Variants in NEDD4 observed in about 807,000 individuals in gnomAD.
The protein encoded by NEDD4 is E3 ubiquitin-protein ligase NEDD4.
NEDD4 carries 99 observed loss-of-function variants against 144.9 expected under a neutral mutation model. That is an observed-to-expected ratio of 0.68 (90% CI 0.58 to 0.81). The LOEUF (loss-of-function observed/expected upper bound fraction) is 0.81. Ranked by LOEUF, NEDD4 falls within the 30% of genes least tolerant of loss-of-function variation. NEDD4 has a pLI of 0.00. For missense variants in NEDD4, 985 were observed against 1,065.9 expected (o/e 0.92, Z 1.06); for synonymous variants, 318 against 350.6 (o/e 0.91, Z 1.04).
chr15:55,933,982 C>G (rs994957059), intron 4 of NEDD4, among the ~76,000 whole-genome samples: 3 of 152,102 alleles, frequency 2.0e-5, no homozygotes, highest in Non-Finnish European at 4.4e-5. Flanking sequence ...GGTGAAACCT[C>G]GTCTCTACTA....
chr15:55,887,964 A>C (rs147271127), intron 5 of NEDD4, among the ~76,000 whole-genome samples: 3,461 of 152,298 alleles, frequency 0.023, 50 homozygotes, highest in Non-Finnish European at 0.035. Context: ...ACTACAAAAA[A>C]TGGTATCGAA....
At chr15:55,922,937 AC>A (rs755108294) in intron 5 of NEDD4, among the ~76,000 whole-genome samples, 9 of 152,228 alleles carry the variant, frequency 5.9e-5, no homozygotes, top group Non-Finnish European at 1.0e-4. Flanking sequence ...CAAAACACAC[AC>A]AAAAACTCCA....
chr15:55,854,969 G>A (rs1244250161), intron 12 of NEDD4, among the ~76,000 whole-genome samples: 1 of 152,158 alleles, frequency 6.6e-6, no homozygotes, highest in East Asian at 1.9e-4. Context: ...CGTGCAGAGG[G>A]AAAAACACCA....
chr15:55,849,804 T>C (rs2033905902), intron 14 of NEDD4, among the ~76,000 whole-genome samples: 1 of 151,122 alleles, frequency 6.6e-6, no homozygotes, highest in Non-Finnish European at 1.5e-5. Flanking sequence ...TTTTTTTTTT[T>C]TTTTTTGAGA....
Position 55,851,929 on chromosome 15 carries a change from T to C in NEDD4, c.1146+495A>G, listed in dbSNP as rs76867626. Among the ~76,000 whole-genome samples, 345 of 152,320 alleles carry C rather than the reference T, an allele frequency of 2.3e-3. 7 individuals carry two copies. The highest frequency in any genetic ancestry group is 0.015 in the East Asian group (80 of 5,186). ...TGTACTTGTTTTATATAATAACAAGTGGTAATTCGTGTATATTAGAGATTC... is the reference window on the plus strand; with the variant it reads ...TGTACTTGTTTTATATAATAACAAGCGGTAATTCGTGTATATTAGAGATTC... On this transcript the variant is annotated intron_variant, in intron 13 of 28. Transcript: ENST00000435532.
At chr15:55,874,855 T>C (rs1423591243) in intron 5 of NEDD4, among the ~76,000 whole-genome samples, 1 of 152,032 alleles carries the variant, frequency 6.6e-6, no homozygotes, top group Non-Finnish European at 1.5e-5. Context: ...ATGCCTGTAA[T>C]CCCAGCTACT....
intron 5 of NEDD4, among the ~76,000 whole-genome samples, chr15:55,881,637 A>G (rs1218331673): frequency 1.3e-5 from 2 of 152,228 alleles, no homozygotes; most frequent in African/African-American, 4.8e-5. Context: ...AGATTAAAAA[A>G]AACAAAAACA....
chr15:55,934,982 C>T (rs2036858291), intron 4 of NEDD4, among the ~76,000 whole-genome samples: 1 of 146,478 alleles, frequency 6.8e-6, no homozygotes, highest in South Asian at 2.2e-4. Context: ...GATTCTCCTG[C>T]CTCAGCCTCC....
At chr15:55,851,385 A>G (rs2142008677) in intron 13 of NEDD4, among the ~76,000 whole-genome samples, 2 of 150,330 alleles carry the variant, frequency 1.3e-5, no homozygotes, top group South Asian at 4.2e-4. Flanking sequence ...TTTTTTTTTT[A>G]TCAAGCAGCA....
At chr15:55,838,456 A>G in intron 22 of NEDD4, 53 bp downstream of exon 22, 2 of 1,250,400 alleles carry the variant, frequency 1.6e-6, no homozygotes, top group Admixed American at 1.7e-5. Context: ...ATTAACATCT[A>G]AACATTTGTC....
intron 12 of NEDD4, among the ~76,000 whole-genome samples, chr15:55,854,383 A>G (rs1269040983): frequency 6.6e-6 from 1 of 152,164 alleles, no homozygotes. Context: ...GCCCAGTTCT[A>G]CAAGTGTCCA....
At chr15:55,904,508 G>A (rs2036022808) in intron 5 of NEDD4, among the ~76,000 whole-genome samples, 1 of 151,986 alleles carries the variant, frequency 6.6e-6, no homozygotes, top group South Asian at 2.1e-4. Context: ...TTACCATGCT[G>A]GCCAAGCCTG....
intron 11 of NEDD4, among the ~76,000 whole-genome samples, 153 bp from the exon 12 acceptor site, chr15:55,856,349 G>A (rs2034194970): frequency 1.3e-5 from 2 of 152,198 alleles, no homozygotes; most frequent in African/African-American, 2.4e-5. Flanking sequence ...TCATGTGGTC[G>A]CTCTCAGCCC....
intron 5 of NEDD4, among the ~76,000 whole-genome samples, chr15:55,875,787 T>C (rs949700859): frequency 6.6e-6 from 1 of 152,050 alleles, no homozygotes; most frequent in East Asian, 1.9e-4. Context: ...TTTCAAGCAG[T>C]CTGACGTATG....
At chr15:55,844,798 C>T (rs892476428) in intron 18 of NEDD4, among the ~76,000 whole-genome samples, 1 of 144,536 alleles carries the variant, frequency 6.9e-6, no homozygotes, top group Non-Finnish European at 1.5e-5. Context: ...TTTCAAGCAC[C>T]GGTTTTCAAT....
chr15:55,903,712 C>G (rs1157703888), intron 5 of NEDD4, among the ~76,000 whole-genome samples: 3 of 151,350 alleles, frequency 2.0e-5, no homozygotes, highest in Non-Finnish European at 2.9e-5. Flanking sequence ...GTAGTCCCAG[C>G]TACTCGGGAG....
chr15:55,836,380 G>C (rs1405168747), intron 24 of NEDD4, among the ~76,000 whole-genome samples: 1 of 150,444 alleles, frequency 6.6e-6, no homozygotes, highest in African/African-American at 2.5e-5. Context: ...ACACTTTAGA[G>C]ACAAAGTTTC....
chr15:55,875,561 G>T (rs1376906463), intron 5 of NEDD4, among the ~76,000 whole-genome samples: 2 of 151,952 alleles, frequency 1.3e-5, no homozygotes, highest in Non-Finnish European at 2.9e-5. Context: ...CAGGTGATCC[G>T]CCTGCCTCAG....
At chr15:55,895,241 G>A (rs1160864726) in intron 5 of NEDD4, among the ~76,000 whole-genome samples, 1 of 152,148 alleles carries the variant, frequency 6.6e-6, no homozygotes, top group Non-Finnish European at 1.5e-5. Context: ...AGAAATGTCT[G>A]CCAAGCTACT....
Sources: allele counts gnomAD v4.1 joint callset (sites outside exome capture counted in the v4.1 genomes callset), GRCh38; gene constraint gnomAD v4.1.1; transcripts MANE v1.5; gene names NCBI Gene and HGNC (gene_info 2026-07-23, HGNC 2026-07-21).